The following SLC44A3 variants were observed in gnomAD, a reference collection of about 807,000 sequenced individuals.
The protein encoded by SLC44A3 is choline transporter-like protein 3.
SLC44A3 carries 74 observed loss-of-function variants against 75.4 expected under a neutral mutation model. The observed-to-expected ratio is 0.98, with a 90% CI of 0.81 to 1.19. The LOEUF (loss-of-function observed/expected upper bound fraction) is 1.19. SLC44A3 is among the 50% of genes most tolerant of loss of function. The probability of loss-of-function intolerance (pLI) is 0.00; values close to 1 mark genes in which losing one functional copy is unlikely to be tolerated. For missense variants in SLC44A3, 700 were observed against 778.6 expected, an observed-to-expected ratio of 0.90 and a Z score of 1.20; for synonymous variants, 310 against 296.9, an observed-to-expected ratio of 1.04 and a Z score of -0.45.
Position 94,828,594 on chromosome 1 carries a change from C to T in SLC44A3, c.509+8C>T, listed in dbSNP as rs763147379. 11 of 1,612,442 alleles carry T rather than the reference C, an allele frequency of 6.8e-6. No homozygotes were observed. Among genetic ancestry groups the T allele is most frequent in the Non-Finnish European group, 8.5e-6 (10 of 1,178,834 alleles). On this transcript the variant is annotated splice_region_variant and intron_variant, in intron 5 of 14. Transcript: ENST00000271227. ...GCTACCAGTTCCTCCAAGGTAAAAG[C>T]TTCCATACTTTTTCCTTAACTCTAA...
At position 94,895,023 on chromosome 1, in the gene SLC44A3, T is replaced by A. The variant is rs1023079854; in HGVS notation, c.*101T>A. 32 of 806,478 alleles carry A rather than the reference T, an allele frequency of 4.0e-5. No homozygotes were observed. The highest frequency in any genetic ancestry group is 2.4e-4 in the East Asian group (9 of 37,056). The allele number at this position is 806,478 out of a possible 1,614,324, so 50.0% of individuals were successfully genotyped here. On this transcript the variant is annotated 3_prime_UTR_variant, in exon 15 of 15. Transcript: ENST00000271227. ...AGAGAAAAGTTAGTGAATTTTTTTT[T>A]AAAAGACCTAATAAACCCTATTCTT...
At chr1:94,874,764 TTAAACAGA>T (rs1248933051) in intron 12 of SLC44A3, among the ~76,000 whole-genome samples, 2 of 152,184 alleles carry the variant, frequency 1.3e-5, no homozygotes, top group Non-Finnish European at 2.9e-5. Context: ...GTAGTATTTT[TTAAACAGA>T]TGATAATACT....
chr1:94,892,526 A>G lies in SLC44A3; in HGVS notation c.1857+9A>G. On this transcript the variant is annotated intron_variant, in intron 14 of 14. Coordinates refer to ENST00000271227, the MANE Select transcript of SLC44A3 (RefSeq NM_001114106.3). The stretch of plus-strand genomic sequence containing the variant: ...TGGATCAAGAATTTCTGGTAAGCAA[A>G]CATTTCATTTCCAATTGCAATCTCC... 1 of 1,612,378 alleles carries G rather than the reference A, an allele frequency of 6.2e-7. No individual in the cohort carries two copies. Among genetic ancestry groups the G allele is most frequent in the Non-Finnish European group, 8.5e-7 (1 of 1,178,798 alleles).
chr1:94,857,535 A>G (rs200137652), intron 10 of SLC44A3, 35 bp downstream of exon 10: 222 of 1,583,182 alleles, frequency 1.4e-4, no homozygotes, highest in Middle Eastern at 4.2e-4. Flanking sequence ...TGGTTTGTCT[A>G]TGTGGTTTAT....
At chr1:94,826,376 G>A (rs1157875614) in intron 3 of SLC44A3, among the ~76,000 whole-genome samples, 1 of 152,214 alleles carries the variant, frequency 6.6e-6, no homozygotes, top group Non-Finnish European at 1.5e-5. Flanking sequence ...GATGGGGCTG[G>A]TGCAGTGGCT....
chr1:94,893,193 T>A (rs1161329952), intron 14 of SLC44A3, among the ~76,000 whole-genome samples: 1 of 152,206 alleles, frequency 6.6e-6, no homozygotes, highest in Non-Finnish European at 1.5e-5. Context: ...CTTGTCTGAG[T>A]TATATGATAT....
chr1:94,828,532 A>G lies in SLC44A3; in HGVS notation c.455A>G (p.Tyr152Cys). 1 of 1,613,950 alleles carries G rather than the reference A, an allele frequency of 6.2e-7. No individual in the cohort carries two copies. Among genetic ancestry groups the G allele is most frequent in the Non-Finnish European group, 8.5e-7 (1 of 1,179,914 alleles). The change falls in exon 5 of 15, where the codon TAT (tyrosine) becomes TGT (cysteine). Residue 152 changes from tyrosine (Y) to cysteine (C), a missense_variant. Coordinates refer to ENST00000271227, the MANE Select transcript of SLC44A3 (RefSeq NM_001114106.3). ...LCVYSLNSFNYTHSPKADSLC... is the reference protein window; with the variant it reads ...LCVYSLNSFNCTHSPKADSLC... ...GTTTATAGTTTGAATTCCTTCAACT[A>G]TACCCACAGTCCAAAAGCAGACTCA...
intron 6 of SLC44A3, 106 bp downstream of exon 6, chr1:94,837,977 ACT>A (rs1663048927): frequency 2.8e-6 from 3 of 1,052,934 alleles, no homozygotes; most frequent in Non-Finnish European, 4.0e-6. Context: ...TAAATATAAA[ACT>A]CTGTATTTTT....
At chr1:94,825,168 C>A (rs1661136908) in intron 3 of SLC44A3, among the ~76,000 whole-genome samples, 1 of 152,166 alleles carries the variant, frequency 6.6e-6, no homozygotes, top group Non-Finnish European at 1.5e-5. Context: ...CTCCCTTACC[C>A]CACCTCCCAC....
intron 6 of SLC44A3, among the ~76,000 whole-genome samples, chr1:94,839,482 G>A (rs1366970159): frequency 7.2e-5 from 11 of 152,020 alleles, no homozygotes; most frequent in Admixed American, 4.6e-4. Context: ...TCTGCCACCC[G>A]GGTTCAAGCG....
intron 12 of SLC44A3, among the ~76,000 whole-genome samples, chr1:94,870,304 A>G (rs185616101): frequency 6.6e-6 from 1 of 152,214 alleles, no homozygotes; most frequent in East Asian, 1.9e-4. Flanking sequence ...TACAGAGGTG[A>G]TACAGAGTCA....
chr1:94,876,416 G>A (rs1193736784), intron 12 of SLC44A3, among the ~76,000 whole-genome samples: 1 of 152,222 alleles, frequency 6.6e-6, no homozygotes, highest in Non-Finnish European at 1.5e-5. Context: ...TGCCCACCTT[G>A]AAGTCCATGC....
chr1:94,884,950 A>G (rs859073), intron 12 of SLC44A3, among the ~76,000 whole-genome samples: 118,374 of 152,020 alleles, frequency 0.78, 46,623 homozygotes, highest in Non-Finnish European at 0.84. Flanking sequence ...TTTCTATAAA[A>G]TGAGAATAAT....
intron 12 of SLC44A3, among the ~76,000 whole-genome samples, chr1:94,881,365 A>G (rs1320539424): frequency 6.6e-6 from 1 of 152,078 alleles, no homozygotes; most frequent in Non-Finnish European, 1.5e-5. Flanking sequence ...CTCTCCCACC[A>G]TTTCCTCAGT....
intron 12 of SLC44A3, among the ~76,000 whole-genome samples, chr1:94,867,665 T>A (rs984044759): frequency 1.1e-4 from 16 of 152,234 alleles, no homozygotes; most frequent in African/African-American, 3.6e-4. Flanking sequence ...ACACTGAAAT[T>A]TGAATTTCAT....
chr1:94,840,118 A>AT, intron 7 of SLC44A3, 81 bp downstream of exon 7: 1 of 1,246,488 alleles, frequency 8.0e-7, no homozygotes, highest in Non-Finnish European at 1.2e-6. Flanking sequence ...AAAAGTTGGC[A>AT]TTTTTAAGCT....
chr1:94,892,905 A>G (rs1025529541), intron 14 of SLC44A3, among the ~76,000 whole-genome samples: 4 of 152,152 alleles, frequency 2.6e-5, no homozygotes, highest in Non-Finnish European at 5.9e-5. Context: ...GCATTTTTGC[A>G]TCTCCAAGCA....
intron 2 of SLC44A3, among the ~76,000 whole-genome samples, chr1:94,821,373 C>G (rs988501212): frequency 1.3e-5 from 2 of 152,166 alleles, no homozygotes; most frequent in Admixed American, 6.5e-5. Context: ...TCTTTTAGCA[C>G]CTGCCACACC....
At position 94,832,697 on chromosome 1, in the gene SLC44A3, G is replaced by A. The variant is rs181688390; in HGVS notation, c.509+4111G>A. 1.1e-4 allele frequency among the ~76,000 whole-genome samples: 17 copies of A among 152,330 alleles called. No homozygotes were observed. In the East Asian group the frequency reaches 3.3e-3, roughly 29 times the overall value. ...TAATTAAAATGTTCAGCCCAGACCA[G>A]GCACAGTGGCTCATGCCTGCAATCC... is the stretch of plus-strand genomic sequence containing the variant. On this transcript the variant is annotated intron_variant, in intron 5 of 14. Transcript: ENST00000271227.
Sources: gnomAD v4.1 joint callset for allele counts (sites outside exome capture counted in the v4.1 genomes callset) on GRCh38, gnomAD v4.1.1 for gene constraint, MANE v1.5 for transcripts, NCBI Gene and HGNC (gene_info 2026-07-23, HGNC 2026-07-21) for gene names.